Variants in UNC13C observed in about 807,000 individuals in gnomAD.
The protein encoded by UNC13C is unc-13 homolog C.
A neutral mutation model predicts 245.4 loss-of-function variants in UNC13C; 174 were observed. That is an observed-to-expected ratio of 0.71 (90% CI 0.63 to 0.80). The LOEUF is 0.80. UNC13C is among the 30% of genes least tolerant of loss of function. The pLI is 0.00. For synonymous variants in UNC13C, 992 were observed against 895.1 expected, an observed-to-expected ratio of 1.11 and a Z score of -1.93; for missense variants, 2,829 against 2,602.9, an observed-to-expected ratio of 1.09 and a Z score of -1.89.
chr15:54,315,380 C>T (rs992118567), intron 13 of UNC13C, among the ~76,000 whole-genome samples: 6 of 151,456 alleles, frequency 4.0e-5, no homozygotes, highest in African/African-American at 1.5e-4. Flanking sequence ...TTTTATAAGA[C>T]TCTTACTGCA....
chr15:54,108,143 G>A (rs1423888393), intron 2 of UNC13C, among the ~76,000 whole-genome samples: 1 of 152,078 alleles, frequency 6.6e-6, no homozygotes, highest in East Asian at 1.9e-4. Flanking sequence ...GATAATGGTT[G>A]GATGATAGTT....
chr15:54,556,148 A>T (rs972349286), intron 29 of UNC13C, among the ~76,000 whole-genome samples: 1 of 152,038 alleles, frequency 6.6e-6, no homozygotes, highest in African/African-American at 2.4e-5. Flanking sequence ...ATATATATTT[A>T]TATGTGAAAG....
chr15:54,421,642 G>T (rs967766991), intron 19 of UNC13C, among the ~76,000 whole-genome samples: 1 of 152,062 alleles, frequency 6.6e-6, no homozygotes, highest in African/African-American at 2.4e-5. Context: ...CTAGAAAACC[G>T]CTGTGTGGAA....
At chr15:54,495,038 T>G (rs750835380) in intron 20 of UNC13C, among the ~76,000 whole-genome samples, 3 of 151,996 alleles carry the variant, frequency 2.0e-5, no homozygotes, top group African/African-American at 4.8e-5. Context: ...ACAGATTTTT[T>G]TGGGGAAAGT....
chr15:53,875,047 T>G, the UNC13C span, among the ~76,000 whole-genome samples: 1 of 152,082 alleles, frequency 6.6e-6, no homozygotes, highest in East Asian at 1.9e-4. Flanking sequence ...GAGCTGAGAT[T>G]GTGCCACTGC....
chr15:54,334,980 GA>G (rs906491023), intron 16 of UNC13C, among the ~76,000 whole-genome samples: 181 of 147,676 alleles, frequency 1.2e-3, no homozygotes, highest in African/African-American at 4.1e-3. Flanking sequence ...CTATTTCAAT[GA>G]AAAAAAAAAT....
upstream of UNC13C, chr15:53,976,923 G>T (rs1328455622): frequency 6.6e-6 from 1 of 152,142 alleles, no homozygotes; most frequent in East Asian, 1.9e-4. Flanking sequence ...GCTAGCATGA[G>T]TTTTTCTGTA....
chr15:54,245,260 A>G (rs2035961848), intron 7 of UNC13C, among the ~76,000 whole-genome samples: 1 of 152,146 alleles, frequency 6.6e-6, no homozygotes, highest in Non-Finnish European at 1.5e-5. Context: ...CATAAAATCT[A>G]TCATATTTTG....
chr15:53,862,707 ACT>A, the UNC13C span, among the ~76,000 whole-genome samples: 1 of 152,034 alleles, frequency 6.6e-6, no homozygotes, highest in African/African-American at 2.4e-5. Context: ...GGCCTGCCAC[ACT>A]CACGTTGGGG....
chr15:54,367,075 CACTT>C (rs1377773093), intron 17 of UNC13C, among the ~76,000 whole-genome samples: 6 of 152,136 alleles, frequency 3.9e-5, no homozygotes, highest in East Asian at 1.9e-4. Context: ...AATGACATGA[CACTT>C]ATTTATTAAT....
At chr15:54,177,585 T>G (rs1273026792) in intron 4 of UNC13C, among the ~76,000 whole-genome samples, 1 of 152,164 alleles carries the variant, frequency 6.6e-6, no homozygotes, top group East Asian at 1.9e-4. Context: ...GCTTTATTTT[T>G]CTCTTTGCTT....
chr15:54,300,708 G>C (rs2037557103), intron 13 of UNC13C, among the ~76,000 whole-genome samples: 1 of 152,060 alleles, frequency 6.6e-6, no homozygotes, highest in South Asian at 2.1e-4. Context: ...AGCAACCTAT[G>C]GTTTAACAAG....
chr15:54,449,609 A>G (rs972797879), intron 19 of UNC13C, among the ~76,000 whole-genome samples: 7 of 152,168 alleles, frequency 4.6e-5, no homozygotes, highest in African/African-American at 1.7e-4. Flanking sequence ...TTCTCGAGCC[A>G]TGGTTTTCAG....
In UNC13C at chr15:54,054,810, A is replaced by ATT. The variant is rs144008790; in HGVS notation, c.2983+38932_2983+38933dup. ...ACGAACATATTTATTTTTTGTTTTTATTTTTTTTTGTTTGTTTTCTCTTGC... is the reference window on the plus strand; with the variant it reads ...ACGAACATATTTATTTTTTGTTTTTATTTTTTTTTTTGTTTGTTTTCTCTTGC... On this transcript the variant is annotated intron_variant, in intron 2 of 32. Coordinates refer to ENST00000260323, the MANE Select transcript of UNC13C (RefSeq NM_001080534.3). Among the ~76,000 whole-genome samples, 8 of 151,028 alleles carry ATT rather than the reference A, an allele frequency of 5.3e-5. No individual in the cohort carries two copies. The East Asian group carries it at 9.8e-4, about 18-fold the overall frequency.
upstream of UNC13C, among the ~76,000 whole-genome samples, chr15:53,977,722 G>T (rs1362476034): frequency 1.3e-5 from 2 of 152,064 alleles, no homozygotes; most frequent in Non-Finnish European, 2.9e-5. Flanking sequence ...TGGAAAGTGG[G>T]AACTGTTACT....
intron 2 of UNC13C, among the ~76,000 whole-genome samples, chr15:54,035,888 G>A (rs1223644219): frequency 1.3e-5 from 2 of 152,060 alleles, no homozygotes; most frequent in Non-Finnish European, 2.9e-5. Context: ...ACGTGCAGCC[G>A]TTGGATGCCA....
chr15:54,575,304 A>C (rs751608454), intron 30 of UNC13C, among the ~76,000 whole-genome samples: 59 of 152,326 alleles, frequency 3.9e-4, no homozygotes, highest in South Asian at 6.2e-4. Context: ...AGAATATAGG[A>C]TGAAAAGTTT....
At chr15:54,348,561 T>G (rs1225621978) in intron 17 of UNC13C, among the ~76,000 whole-genome samples, 1 of 152,168 alleles carries the variant, frequency 6.6e-6, no homozygotes, top group Non-Finnish European at 1.5e-5. Context: ...GGCCACGTTA[T>G]CCTCTGAAAA....
At chr15:53,990,708 A>G (rs1297478306) in intron 1 of UNC13C, among the ~76,000 whole-genome samples, 1 of 151,936 alleles carries the variant, frequency 6.6e-6, no homozygotes, top group Admixed American at 6.6e-5. Context: ...TTCATTTACA[A>G]TCAAATTGGA....
Sources: gnomAD v4.1 joint callset for allele counts (sites outside exome capture counted in the v4.1 genomes callset) on GRCh38, gnomAD v4.1.1 for gene constraint, MANE v1.5 for transcripts, NCBI Gene and HGNC (gene_info 2026-07-23, HGNC 2026-07-21) for gene names.